Variants in PDE10A observed in about 807,000 individuals in gnomAD.
The protein encoded by PDE10A is phosphodiesterase 10A.
A neutral mutation model predicts 97.7 loss-of-function variants in PDE10A; 39 were observed. That is an observed-to-expected ratio of 0.40 (90% CI 0.31 to 0.52). The LOEUF is 0.52. Ranked by LOEUF, PDE10A falls within the 20% of genes least tolerant of loss-of-function variation. The pLI is 0.56. For missense variants in PDE10A, 731 were observed against 1,047.8 expected (o/e 0.70, Z 4.17); for synonymous variants, 371 against 376.8 (o/e 0.98, Z 0.18).
chr6:165,451,749 G>A (rs1457646736), intron 3 of PDE10A, among the ~76,000 whole-genome samples: 4 of 152,202 alleles, frequency 2.6e-5, no homozygotes. Flanking sequence ...CAATGCACTA[G>A]AGGAGGCTCT....
chr6:165,823,644 C>T (rs34147992), intron 1 of PDE10A, among the ~76,000 whole-genome samples: 10,513 of 117,992 alleles, frequency 0.089, 476 homozygotes, highest in Non-Finnish European at 0.14. Context: ...AAATACAAAT[C>T]TGTAACAGAA....
At chr6:165,657,586 G>C (rs1421913163) in intron 1 of PDE10A, among the ~76,000 whole-genome samples, 1 of 152,224 alleles carries the variant, frequency 6.6e-6, no homozygotes, top group African/African-American at 2.4e-5. Flanking sequence ...CTGTTGCACT[G>C]AGTTTTTTCC....
intron 1 of PDE10A, among the ~76,000 whole-genome samples, chr6:165,699,277 A>C (rs750062916): frequency 3.3e-5 from 5 of 152,214 alleles, no homozygotes; most frequent in Non-Finnish European, 4.4e-5. Flanking sequence ...TAAGTGGTTA[A>C]TCCAACAGAA....
rs1693895466 is a variant in PDE10A at position 165,331,211 on chromosome 6, TC to T, written c.*1813del. On this transcript the variant is annotated 3_prime_UTR_variant, in exon 22 of 22. Transcript: ENST00000539869. ...ATGTGTGTGTTCTACATATATTACA[TC>T]CATCCATATATATATGTGTGTGTAT... The T allele has an allele frequency of 6.6e-6, 1 of 152,174 alleles. No individual in the cohort carries two copies. The highest frequency in any genetic ancestry group is 2.1e-4 in the South Asian group (1 of 4,830). The allele number at this position is 152,174 out of a possible 1,614,324, so 9.4% of individuals were successfully genotyped here.
At chr6:165,830,005 C>T (rs577470000) in intron 1 of PDE10A, among the ~76,000 whole-genome samples, 10 of 152,248 alleles carry the variant, frequency 6.6e-5, no homozygotes, top group African/African-American at 1.9e-4. Flanking sequence ...TGTGTGGCAG[C>T]GGCAATAAAC....
chr6:165,837,659 G>GTT (rs386409265), intron 1 of PDE10A, among the ~76,000 whole-genome samples: 26 of 83,496 alleles, frequency 3.1e-4, no homozygotes, highest in African/African-American at 4.9e-4. Context: ...ATCTCTCCTG[G>GTT]TTTTTTTTTT....
chr6:165,705,224 C>T (rs1298532578), intron 1 of PDE10A, among the ~76,000 whole-genome samples: 1 of 152,238 alleles, frequency 6.6e-6, no homozygotes, highest in Admixed American at 6.5e-5. Flanking sequence ...AGGTTAAGAC[C>T]AGGTAGAGAT....
At chr6:165,347,568 G>A (rs901350033) in intron 18 of PDE10A, among the ~76,000 whole-genome samples, 1 of 152,138 alleles carries the variant, frequency 6.6e-6, no homozygotes, top group Non-Finnish European at 1.5e-5. Flanking sequence ...CTACCACAGA[G>A]GGAACTGCTG....
At chr6:165,712,962 A>T (rs1791938363) in intron 1 of PDE10A, among the ~76,000 whole-genome samples, 1 of 152,198 alleles carries the variant, frequency 6.6e-6, no homozygotes, top group Admixed American at 6.5e-5. Flanking sequence ...CTTTAAAAAT[A>T]CACTGTAGAT....
At position 165,465,465 on chromosome 6, in the gene PDE10A, C is replaced by T. The variant is rs570101862; in HGVS notation, c.1024-15103G>A. ...AGTGTAACTGAGCACAGAAGAAATG[C>T]TACACAGAGCTGTTTCAAAGGATTA... On this transcript the variant is annotated intron_variant, in intron 3 of 21. Transcript: ENST00000539869. 1.3e-4 allele frequency among the ~76,000 whole-genome samples: 20 copies of T among 152,280 alleles called. No homozygotes were observed. In the South Asian group the frequency reaches 2.1e-3, roughly 16 times the overall value.
At chr6:165,907,447 A>C (rs1782323863) in intron 1 of PDE10A, among the ~76,000 whole-genome samples, 1 of 152,244 alleles carries the variant, frequency 6.6e-6, no homozygotes, top group Non-Finnish European at 1.5e-5. Flanking sequence ...GGTGCGAGTC[A>C]CTTCAGAGAC....
chr6:165,669,447 C>A (rs1790586278), intron 1 of PDE10A, among the ~76,000 whole-genome samples: 1 of 152,182 alleles, frequency 6.6e-6, no homozygotes, highest in Admixed American at 6.5e-5. Context: ...GGAGGATCTC[C>A]TCCCCCACTC....
chr6:165,906,198 A>T (rs1365843022), intron 1 of PDE10A, among the ~76,000 whole-genome samples: 1 of 150,024 alleles, frequency 6.7e-6, no homozygotes, highest in Non-Finnish European at 1.5e-5. Flanking sequence ...AAGAGCTTAA[A>T]GTCACGTAAG....
At chr6:165,898,702 C>T (rs372293065) in intron 1 of PDE10A, among the ~76,000 whole-genome samples, 3 of 152,046 alleles carry the variant, frequency 2.0e-5, no homozygotes, top group East Asian at 1.9e-4. Flanking sequence ...AAACACTGGA[C>T]GGCACCCACT....
chr6:165,897,423 G>A (rs1781983923), intron 1 of PDE10A, among the ~76,000 whole-genome samples: 1 of 152,086 alleles, frequency 6.6e-6, no homozygotes, highest in Admixed American at 6.5e-5. Flanking sequence ...GTATTTGGGG[G>A]TGGGGGAGAT....
intron 1 of PDE10A, among the ~76,000 whole-genome samples, chr6:165,762,534 G>A (rs1254882191): frequency 1.3e-5 from 2 of 150,996 alleles, no homozygotes; most frequent in South Asian, 2.1e-4. Context: ...AGGAGACAAG[G>A]TTGCCAATAT....
At chr6:165,391,796 G>T (rs181665701) in intron 16 of PDE10A, among the ~76,000 whole-genome samples, 1 of 152,158 alleles carries the variant, frequency 6.6e-6, no homozygotes, top group East Asian at 1.9e-4. Flanking sequence ...GGATGGAAAA[G>T]GATAGGATGG....
intron 10 of PDE10A, among the ~76,000 whole-genome samples, chr6:165,421,887 C>G (rs1405492795): frequency 6.6e-6 from 1 of 152,128 alleles, no homozygotes; most frequent in Non-Finnish European, 1.5e-5. Flanking sequence ...CATGGCAAAA[C>G]CCTGTCTCTA....
intron 1 of PDE10A, among the ~76,000 whole-genome samples, chr6:165,561,656 A>G: frequency 6.6e-6 from 1 of 152,212 alleles, no homozygotes; most frequent in East Asian, 1.9e-4. Flanking sequence ...TGAAATAACC[A>G]ATAACCAGTT....
Sources: allele counts gnomAD v4.1 joint callset (sites outside exome capture counted in the v4.1 genomes callset), GRCh38; gene constraint gnomAD v4.1.1; transcripts MANE v1.5; gene names NCBI Gene and HGNC (gene_info 2026-07-23, HGNC 2026-07-21).